ESYT2: variants seen among roughly 807,000 people sequenced by gnomAD.
ESYT2 encodes extended synaptotagmin-2.
In ESYT2, 54 loss-of-function variants were observed where a neutral mutation model predicts 107.2. The ratio of observed to expected loss-of-function variants is 0.50; its 90% CI spans 0.40 to 0.63. ESYT2 has a LOEUF of 0.63. ESYT2 is among the 30% of genes least tolerant of loss of function. ESYT2 has a pLI of 0.00. For missense variants in ESYT2, 1,020 were observed against 1,094.5 expected, an observed-to-expected ratio of 0.93 and a Z score of 0.96; for synonymous variants, 491 against 434.1, an observed-to-expected ratio of 1.13 and a Z score of -1.63.
rs529299984 is a variant in ESYT2, at chr7:158,764,983, C to T, written c.925-130G>A. The T allele has an allele frequency of 1.4e-4, 122 of 842,864 alleles. No individual in the cohort carries two copies. In the African/African-American group the frequency reaches 1.9e-3, roughly 13 times the overall value. The allele number at this position is 842,864 out of a possible 1,614,324, so 52.2% of individuals were successfully genotyped here. On this transcript the variant is annotated intron_variant, in intron 8 of 22. Transcript: ENST00000275418. ...GGGAATAAAGACCCTCTTCTGGTGCCGAGTACATCCCAGCAGCGGGGAAAT... is the reference window on the plus strand; with the variant it reads ...GGGAATAAAGACCCTCTTCTGGTGCTGAGTACATCCCAGCAGCGGGGAAAT...
chr7:158,826,715 G>A (rs1840458240), intron 1 of ESYT2, among the ~76,000 whole-genome samples: 1 of 151,376 alleles, frequency 6.6e-6, no homozygotes, highest in South Asian at 2.1e-4. Context: ...CAGCTATTCG[G>A]GAGGCTGAGG....
chr7:158,761,363 A>G, intron 11 of ESYT2, 133 bp downstream of exon 11: 1 of 721,788 alleles, frequency 1.4e-6, no homozygotes, highest in Non-Finnish European at 2.4e-6. Flanking sequence ...TATGTTAAGT[A>G]AATGTTGTTC....
chr7:158,767,575 C>T, intron 8 of ESYT2, 79 bp downstream of exon 8: 1 of 1,544,440 alleles, frequency 6.5e-7, no homozygotes. Flanking sequence ...CAAAGAGTCA[C>T]AGCACCCAAT....
At chr7:158,794,108 C>G (rs1839388031) in intron 3 of ESYT2, among the ~76,000 whole-genome samples, 1 of 152,252 alleles carries the variant, frequency 6.6e-6, no homozygotes, top group Admixed American at 6.5e-5. Flanking sequence ...TCACATCTAA[C>G]TTGACCCTTT....
chr7:158,807,935 C>T (rs914731712), intron 1 of ESYT2, among the ~76,000 whole-genome samples: 3 of 152,194 alleles, frequency 2.0e-5, no homozygotes, highest in Admixed American at 2.0e-4. Flanking sequence ...GAGAGGGATG[C>T]GCAAACCCGC....
At position 158,731,990 on chromosome 7, in the gene ESYT2, C is replaced by G. The variant is rs1836768558; in HGVS notation, c.*2217G>C. 1 of 152,178 alleles carries G rather than the reference C, an allele frequency of 6.6e-6. No individual in the cohort carries two copies. Among genetic ancestry groups the G allele is most frequent in the African/African-American group, 2.4e-5 (1 of 41,440 alleles). The allele number at this position is 152,178 out of a possible 1,614,324, so 9.4% of individuals were successfully genotyped here. A position where few individuals can be genotyped will look rare whatever the true frequency, so the allele number is the denominator to read the frequency against. ...GCCAAGCACCTCCAGGCACTCAAGG[C>G]CCTGGGGACAGCGCTACTGACTCCA... is the stretch of plus-strand genomic sequence containing the variant. On this transcript the variant is annotated 3_prime_UTR_variant, in exon 23 of 23. Transcript: ENST00000275418.
At chr7:158,782,844 G>T (rs978992448) in intron 6 of ESYT2, among the ~76,000 whole-genome samples, 1 of 151,916 alleles carries the variant, frequency 6.6e-6, no homozygotes, top group Non-Finnish European at 1.5e-5. Context: ...GGACAAGTGT[G>T]AAAGAACAAG....
In ESYT2 at chr7:158,829,495, C is replaced by T; in HGVS notation, c.-77G>A. On this transcript the variant is annotated 5_prime_UTR_variant, in exon 1 of 23. Transcript: ENST00000275418. ...GCTGATCCCGGGCGGCTCAGCCCCG[C>T]GCCAGCGCCCCTCTGAGGGGACGCG... 3 of 1,239,012 alleles carry T rather than the reference C, an allele frequency of 2.4e-6. No homozygotes were observed. Among genetic ancestry groups the T allele is most frequent in the Non-Finnish European group, 3.0e-6 (3 of 991,366 alleles). The allele number at this position is 1,239,012 out of a possible 1,614,324, so 76.8% of individuals were successfully genotyped here.
chr7:158,753,427 G>A (rs889456963), intron 13 of ESYT2, among the ~76,000 whole-genome samples: 1 of 151,982 alleles, frequency 6.6e-6, no homozygotes, highest in African/African-American at 2.4e-5. Flanking sequence ...ATGATTATGG[G>A]TTTTATGTTT....
At chr7:158,765,837 A>G (rs1359917692) in intron 8 of ESYT2, among the ~76,000 whole-genome samples, 6 of 152,134 alleles carry the variant, frequency 3.9e-5, no homozygotes, top group Non-Finnish European at 1.5e-5. Context: ...ATTTCTTCCA[A>G]GGCAAACAAA....
intron 13 of ESYT2, among the ~76,000 whole-genome samples, chr7:158,759,262 A>C (rs1197655256): frequency 6.6e-6 from 1 of 152,212 alleles, no homozygotes; most frequent in Non-Finnish European, 1.5e-5. Context: ...TTCTTTTCCT[A>C]TGTACTGCAC....
At chr7:158,816,811 AGATCTTTATATGTGT>A in intron 1 of ESYT2, among the ~76,000 whole-genome samples, 1 of 152,340 alleles carries the variant, frequency 6.6e-6, no homozygotes, top group African/African-American at 2.4e-5. Flanking sequence ...ATAAATTCCA[AGATCTTTATATGTGT>A]GAAAAAATAA....
chr7:158,819,162 T>G (rs951513776), intron 1 of ESYT2, among the ~76,000 whole-genome samples: 3 of 152,234 alleles, frequency 2.0e-5, no homozygotes, highest in African/African-American at 4.8e-5. Flanking sequence ...CCAAAGGTTA[T>G]TCAGACAAAA....
At chr7:158,742,354 C>T (rs539493550) in intron 17 of ESYT2, among the ~76,000 whole-genome samples, 1 of 152,332 alleles carries the variant, frequency 6.6e-6, no homozygotes, top group Admixed American at 6.5e-5. Context: ...CCTCCATCCT[C>T]CCCAGGCCAC....
At chr7:158,747,126 AG>A (rs1837430426) in intron 16 of ESYT2, among the ~76,000 whole-genome samples, 2 of 152,104 alleles carry the variant, frequency 1.3e-5, no homozygotes, top group Non-Finnish European at 1.5e-5. Flanking sequence ...TGGGCGGATC[AG>A]CTGAGGTCAG....
At chr7:158,779,111 T>C (rs1277576262) in intron 6 of ESYT2, among the ~76,000 whole-genome samples, 1 of 152,208 alleles carries the variant, frequency 6.6e-6, no homozygotes, top group Non-Finnish European at 1.5e-5. Flanking sequence ...ACTATCTAGA[T>C]AAAACTTCCT....
chr7:158,766,642 G>A (rs1185996738), intron 8 of ESYT2, among the ~76,000 whole-genome samples: 2 of 152,148 alleles, frequency 1.3e-5, no homozygotes, highest in Non-Finnish European at 2.9e-5. Flanking sequence ...AATTAAACCA[G>A]AAAAAGTAAA....
chr7:158,799,626 T>G (rs1256603825), intron 1 of ESYT2, among the ~76,000 whole-genome samples: 1 of 152,120 alleles, frequency 6.6e-6, no homozygotes, highest in African/African-American at 2.4e-5. Flanking sequence ...ATAATGAGAC[T>G]CCATAAAATA....
At chr7:158,813,516 T>C (rs1032236426) in intron 1 of ESYT2, among the ~76,000 whole-genome samples, 38 of 152,240 alleles carry the variant, frequency 2.5e-4, no homozygotes, top group African/African-American at 8.9e-4. Flanking sequence ...CTGCTCAATT[T>C]TTCTGGAAAT....
Sources: gnomAD v4.1 joint callset for allele counts (sites outside exome capture counted in the v4.1 genomes callset) on GRCh38, gnomAD v4.1.1 for gene constraint, MANE v1.5 for transcripts, NCBI Gene and HGNC (gene_info 2026-07-23, HGNC 2026-07-21) for gene names.